SYTL3: variants seen among roughly 807,000 people sequenced by gnomAD.
SYTL3 encodes the protein synaptotagmin-like protein 3.
SYTL3 carries 88 observed loss-of-function variants against 82.1 expected under a neutral mutation model. The observed-to-expected ratio is 1.07, with a 90% CI of 0.90 to 1.28. The LOEUF (loss-of-function observed/expected upper bound fraction) is 1.28, where lower values mean the gene tolerates loss of function less well. Among genes scored for constraint, SYTL3 ranks in the 50% most tolerant of loss-of-function variants. The pLI, the probability that SYTL3 is intolerant of heterozygous loss-of-function variation, is 0.00. For synonymous variants in SYTL3, 311 were observed against 289.4 expected (o/e 1.07, Z -0.76); for missense variants, 831 against 757.6 (o/e 1.10, Z -1.14).
At chr6:158,736,835 C>T (rs1486491039) in intron 11 of SYTL3, among the ~76,000 whole-genome samples, 1 of 147,578 alleles carries the variant, frequency 6.8e-6, no homozygotes, top group African/African-American at 2.5e-5. Context: ...TCAAGAAAAT[C>T]AAGGATGATT....
intron 6 of SYTL3, among the ~76,000 whole-genome samples, chr6:158,696,490 A>G (rs1181007367): frequency 5.9e-5 from 9 of 152,002 alleles, no homozygotes; most frequent in Non-Finnish European, 1.2e-4. Flanking sequence ...GGTGTGAGCC[A>G]CCGCACCTGG....
At chr6:158,735,984 T>C (rs918861933) in intron 11 of SYTL3, among the ~76,000 whole-genome samples, 1 of 152,238 alleles carries the variant, frequency 6.6e-6, no homozygotes, top group Admixed American at 6.5e-5. Context: ...TTAAAAATTA[T>C]CATGAATGTT....
intron 7 of SYTL3, among the ~76,000 whole-genome samples, chr6:158,707,828 G>T (rs1372492115): frequency 6.6e-6 from 1 of 152,162 alleles, no homozygotes; most frequent in Non-Finnish European, 1.5e-5. Context: ...CTGCTATTTT[G>T]TTTGGCCCAT....
At chr6:158,761,476 G>GT (rs940039347) in intron 15 of SYTL3, among the ~76,000 whole-genome samples, 22 of 150,962 alleles carry the variant, frequency 1.5e-4, no homozygotes, top group Non-Finnish European at 2.5e-4. Flanking sequence ...CTAATTTTTT[G>GT]TTTTTTTTCT....
chr6:158,657,325 C>T (rs2128353480), intron 2 of SYTL3, among the ~76,000 whole-genome samples: 1 of 148,072 alleles, frequency 6.8e-6, no homozygotes, highest in Non-Finnish European at 1.5e-5. Context: ...ACTCAGGAGG[C>T]TGAGTCAAGA....
chr6:158,725,288 C>A (rs1784565891), intron 10 of SYTL3, among the ~76,000 whole-genome samples: 1 of 152,092 alleles, frequency 6.6e-6, no homozygotes, highest in Non-Finnish European at 1.5e-5. Context: ...TGTCTCTGGG[C>A]CCTGTGTGCT....
intron 2 of SYTL3, among the ~76,000 whole-genome samples, chr6:158,660,219 C>T (rs1287865096): frequency 2.0e-5 from 3 of 151,974 alleles, no homozygotes; most frequent in African/African-American, 7.3e-5. Flanking sequence ...GAGCCGAGAT[C>T]GCACCACTGC....
At chr6:158,763,220 C>G in intron 16 of SYTL3, 84 bp from the exon 17 acceptor site, 1 of 1,338,212 alleles carries the variant, frequency 7.5e-7, no homozygotes, top group East Asian at 2.3e-5. Flanking sequence ...TTTCTTAGTG[C>G]TTCCCGTCTG....
intron 11 of SYTL3, among the ~76,000 whole-genome samples, chr6:158,743,365 G>A (rs1285330998): frequency 6.6e-6 from 1 of 152,194 alleles, no homozygotes; most frequent in Non-Finnish European, 1.5e-5. Context: ...TAGTTTAGTT[G>A]TTTAATTCAG....
At chr6:158,762,309 T>G in intron 16 of SYTL3, 131 bp downstream of exon 16, 1 of 661,172 alleles carries the variant, frequency 1.5e-6, no homozygotes, top group South Asian at 2.0e-5. Flanking sequence ...TATGAAAATC[T>G]AACAACACAT....
At chr6:158,748,172 T>C (rs929795899) in intron 12 of SYTL3, among the ~76,000 whole-genome samples, 2 of 152,126 alleles carry the variant, frequency 1.3e-5, no homozygotes, top group African/African-American at 4.8e-5. Flanking sequence ...TTTGCCTTTC[T>C]TTTTTCTTAC....
chr6:158,701,149 A>C (rs1781176302), intron 6 of SYTL3, among the ~76,000 whole-genome samples: 1 of 141,374 alleles, frequency 7.1e-6, no homozygotes. Context: ...GTCATGGAGG[A>C]GGTGAGCTGG....
chr6:158,742,864 G>T (rs1463890232), intron 11 of SYTL3, among the ~76,000 whole-genome samples: 3 of 152,118 alleles, frequency 2.0e-5, no homozygotes, highest in African/African-American at 7.3e-5. Context: ...TGGGATTACA[G>T]GTGTGAGCCA....
chr6:158,719,063 T>C lies in SYTL3; in HGVS notation c.720+852T>C, dbSNP rs117000798. ...CAGCCCAGTGCGCCCCTCTGTAAAA[T>C]GAAGATGATAATACCTGTTCTGCGC... On this transcript the variant is annotated intron_variant, in intron 10 of 17. Coordinates refer to ENST00000611299, the MANE Select transcript of SYTL3 (RefSeq NM_001242394.2). 3.3e-5 allele frequency among the ~76,000 whole-genome samples: 5 copies of C among 152,326 alleles called. No individual in the cohort carries two copies. In the East Asian group the frequency reaches 9.6e-4, roughly 29 times the overall value.
chr6:158,700,863 T>G lies in SYTL3; in HGVS notation c.395-6367T>G, dbSNP rs543132544. Reference sequence around the variant, plus strand: ...GATCTCCTGACCTCATGATCTGCCCTCCTTGGCCTCCCAAGGTGCTGGGAT... The same window carrying G: ...GATCTCCTGACCTCATGATCTGCCCGCCTTGGCCTCCCAAGGTGCTGGGAT... On this transcript the variant is annotated intron_variant, in intron 6 of 17. Transcript: ENST00000611299. Among the ~76,000 whole-genome samples, 125 of 151,884 alleles carry G rather than the reference T, an allele frequency of 8.2e-4. No homozygotes were observed. The South Asian group carries it at 0.013, about 15-fold the overall frequency.
At chr6:158,664,177 C>A (rs530373422) in intron 4 of SYTL3, among the ~76,000 whole-genome samples, 1 of 152,290 alleles carries the variant, frequency 6.6e-6, no homozygotes, top group South Asian at 2.1e-4. Flanking sequence ...GGAGAATTTT[C>A]TGGTATAGTA....
chr6:158,683,412 G>T (rs2128408028), intron 6 of SYTL3, among the ~76,000 whole-genome samples: 1 of 152,082 alleles, frequency 6.6e-6, no homozygotes, highest in African/African-American at 2.4e-5. Flanking sequence ...GTAGAGACGG[G>T]GTTTCACCAT....
At chr6:158,656,660 G>A (rs4709240) in intron 2 of SYTL3, among the ~76,000 whole-genome samples, 6,285 of 152,132 alleles carry the variant, frequency 0.041, 367 homozygotes, top group Admixed American at 0.18. Context: ...GGGAGGTGGA[G>A]CTTGCAGTGA....
intron 12 of SYTL3, among the ~76,000 whole-genome samples, chr6:158,746,093 C>T (rs1787605791): frequency 6.6e-6 from 1 of 151,990 alleles, no homozygotes; most frequent in Admixed American, 6.6e-5. Context: ...TGTGTCCTCC[C>T]ATGGTAGAAG....
Sources: allele counts gnomAD v4.1 joint callset (sites outside exome capture counted in the v4.1 genomes callset), GRCh38; gene constraint gnomAD v4.1.1; transcripts MANE v1.5; gene names NCBI Gene and HGNC (gene_info 2026-07-23, HGNC 2026-07-21).